The following RUFY2 variants were observed in gnomAD, a reference collection of about 807,000 sequenced individuals.
RUFY2 encodes the protein RUN and FYVE domain-containing protein 2.
Under a neutral mutation model 94.4 loss-of-function variants are expected in RUFY2, and 49 were observed. That is an observed-to-expected ratio of 0.52 (90% CI 0.41 to 0.66). The LOEUF is 0.66. Among genes scored for constraint, RUFY2 ranks in the 30% least tolerant of loss-of-function variants. The pLI, the probability that RUFY2 is intolerant of heterozygous loss-of-function variation, is 0.00. For missense variants in RUFY2, 541 were observed against 692.8 expected, an observed-to-expected ratio of 0.78 and a Z score of 2.46; for synonymous variants, 255 against 235.7, an observed-to-expected ratio of 1.08 and a Z score of -0.75.
intron 16 of RUFY2, among the ~76,000 whole-genome samples, chr10:68,352,660 G>C (rs1169082239): frequency 6.6e-6 from 1 of 152,176 alleles, no homozygotes; most frequent in South Asian, 2.1e-4. Flanking sequence ...GCTGGGCACG[G>C]TGGCTCACAC....
Position 68,404,864 on chromosome 10 carries a change from A to G in RUFY2, c.5-20T>C, listed in dbSNP as rs2051145150. 1 of 1,514,810 alleles carries G rather than the reference A, an allele frequency of 6.6e-7. No individual in the cohort carries two copies. The allele number at this position is 1,514,810 out of a possible 1,614,324, so 93.8% of individuals were successfully genotyped here. A position where few individuals can be genotyped will look rare whatever the true frequency, so the allele number is the denominator to read the frequency against. ...TTGTAGCTGAAAACACAAGAAAGGA[A>G]TCCAACATCATTTGTAAGACATGAC... On this transcript the variant is annotated intron_variant, in intron 1 of 17. Transcript: ENST00000602465.
rs66465620 is a variant in RUFY2 at position 68,347,278 on chromosome 10, CTTTTTTTT to C, written c.1600-1202_1600-1195del. 2.2e-4 allele frequency among the ~76,000 whole-genome samples: 19 copies of C among 86,554 alleles called. No individual in the cohort carries two copies. The South Asian group carries it at 6.6e-3, about 30-fold the overall frequency. The allele number at this position is 86,554 out of a possible 152,430, so 56.8% of individuals were successfully genotyped here. A position where few individuals can be genotyped will look rare whatever the true frequency, so the allele number is the denominator to read the frequency against. On this transcript the variant is annotated intron_variant, in intron 16 of 17. Transcript: ENST00000602465. Reference sequence around the variant, plus strand: ...AAGCAGTATTTATGACAACTTGACCCTTTTTTTTTTTTTTTTTTTTTTTGAAAAGAGAG... The same window carrying C: ...AAGCAGTATTTATGACAACTTGACCCTTTTTTTTTTTTTTTGAAAAGAGAG...
intron 2 of RUFY2, among the ~76,000 whole-genome samples, chr10:68,402,705 C>T (rs2050940574): frequency 1.4e-5 from 2 of 146,874 alleles, no homozygotes; most frequent in Admixed American, 1.4e-4. Context: ...AGTCTCACTC[C>T]AGAGTGAGAC....
chr10:68,364,003 T>G lies in RUFY2; in HGVS notation c.1436A>C (p.Gln479Pro). ...ATTTACTTTTTTAAGACTAATGATT[T>G]GTTGAGTCTCATTTCTAAGATGAGA... ...ALSHLRNETQQIISLKKEFLN... is the reference protein window; with the variant it reads ...ALSHLRNETQPIISLKKEFLN... The change falls in exon 14 of 18, where the codon CAA (glutamine) becomes CCA (proline). Residue 479 changes from glutamine (Q) to proline (P), a missense_variant. Gln to Pro is a moderately conservative substitution (Grantham distance 76, BLOSUM62 -1). Around this residue, in one of 3 missense-constraint regions of RUFY2, gnomAD observed 403 missense variants for 480.7 expected, o/e 0.84. Coordinates refer to ENST00000602465, the MANE Select transcript of RUFY2 (RefSeq NM_001330103.2). 6.2e-7 allele frequency: 1 copy of G among 1,601,172 alleles called. No individual in the cohort carries two copies. The highest frequency in any genetic ancestry group is 8.5e-7 in the Non-Finnish European group (1 of 1,170,194).
At chr10:68,346,159 C>T in intron 16 of RUFY2, 75 bp from the exon 17 acceptor site, 1 of 1,089,208 alleles carries the variant, frequency 9.2e-7, no homozygotes, top group Non-Finnish European at 1.3e-6. Context: ...CCCCCAAGAA[C>T]ATTATTTATA....
intron 1 of RUFY2, chr10:68,406,727 C>T: frequency 6.3e-7 from 1 of 1,586,286 alleles, no homozygotes; most frequent in Non-Finnish European, 8.6e-7. Context: ...GCCTGGGGGC[C>T]CCCCAGGACC....
chr10:68,357,854 C>T lies in RUFY2; in HGVS notation c.1551-2453G>A, dbSNP rs2047168921. Among the ~76,000 whole-genome samples the T allele has an allele frequency of 3.3e-5, 5 of 152,060 alleles. No homozygotes were observed. In the South Asian group the frequency reaches 1.0e-3, roughly 32 times the overall value. ...TAATTATCTACTGTTGATCTTTCAACTTGTTTCAAATTTTTCGCCACAAAA... is the reference window on the plus strand; with the variant it reads ...TAATTATCTACTGTTGATCTTTCAATTTGTTTCAAATTTTTCGCCACAAAA... On this transcript the variant is annotated intron_variant, in intron 15 of 17. Coordinates refer to ENST00000602465, the MANE Select transcript of RUFY2 (RefSeq NM_001330103.2).
At chr10:68,389,153 A>C (rs975189996) in intron 7 of RUFY2, among the ~76,000 whole-genome samples, 1 of 152,116 alleles carries the variant, frequency 6.6e-6, no homozygotes, top group African/African-American at 2.4e-5. Context: ...CTCCCACCTC[A>C]GCCTCCTAAC....
Position 68,381,330 on chromosome 10 carries a change from C to T in RUFY2, c.1009G>A (p.Glu337Lys). 1 of 1,614,014 alleles carries T rather than the reference C, an allele frequency of 6.2e-7. No individual in the cohort carries two copies. Among genetic ancestry groups the T allele is most frequent in the Non-Finnish European group, 8.5e-7 (1 of 1,179,962 alleles). The change falls in exon 11 of 18, where the codon GAG (glutamate) becomes AAG (lysine). Residue 337 changes from glutamate to lysine, a missense_variant. Transcript: ENST00000602465. ...TCTTGTTTCTCATGGATATCTTTCT[C>T]CAGCAACTTCATGGCAAGTTCAATC... Reference protein sequence around the residue: ...HEIELAMKLLEKDIHEKQDTL... With the variant: ...HEIELAMKLLKKDIHEKQDTL...
chr10:68,350,671 T>C (rs918069329), intron 16 of RUFY2, among the ~76,000 whole-genome samples: 2 of 152,114 alleles, frequency 1.3e-5, no homozygotes, highest in Non-Finnish European at 2.9e-5. Context: ...GGTCATGTTC[T>C]ATTATCATTA....
chr10:68,343,877 A>G lies in RUFY2; in HGVS notation c.*1891T>C, dbSNP rs1395397013. The G allele has an allele frequency of 1.6e-5, 2 of 125,026 alleles. No individual in the cohort carries two copies. Among genetic ancestry groups the G allele is most frequent in the Non-Finnish European group, 3.6e-5 (2 of 55,470 alleles). 7.7% of individuals were successfully genotyped at this position (125,026 alleles called of 1,614,324 possible). A position where few individuals can be genotyped will look rare whatever the true frequency, so the allele number is the denominator to read the frequency against. On this transcript the variant is annotated 3_prime_UTR_variant, in exon 18 of 18. Coordinates refer to ENST00000602465, the MANE Select transcript of RUFY2 (RefSeq NM_001330103.2). Reference sequence around the variant, plus strand: ...ATACATGAGTTTTGAAAAGTGAGAAACTTACTTAAAGGATGACAAAATCAT... The same window carrying G: ...ATACATGAGTTTTGAAAAGTGAGAAGCTTACTTAAAGGATGACAAAATCAT...
chr10:68,366,820 TG>T (rs1187827185), intron 13 of RUFY2, among the ~76,000 whole-genome samples: 2 of 142,020 alleles, frequency 1.4e-5, no homozygotes, highest in African/African-American at 5.1e-5. Flanking sequence ...TAATGTTATA[TG>T]GTATATATTA....
chr10:68,371,336 C>T (rs1402061630), intron 13 of RUFY2, among the ~76,000 whole-genome samples: 3 of 151,698 alleles, frequency 2.0e-5, no homozygotes, highest in Non-Finnish European at 2.9e-5. Context: ...GCAGGAGAAT[C>T]GCTTGAATCC....
intron 4 of RUFY2, among the ~76,000 whole-genome samples, chr10:68,395,998 G>A (rs1037771878): frequency 6.6e-6 from 1 of 152,008 alleles, no homozygotes; most frequent in African/African-American, 2.4e-5. Flanking sequence ...TTTGGCCTTC[G>A]TTTTATTTTA....
chr10:68,357,610 T>C (rs986250614), intron 15 of RUFY2, among the ~76,000 whole-genome samples: 1 of 152,156 alleles, frequency 6.6e-6, no homozygotes, highest in African/African-American at 2.4e-5. Context: ...AAAAACAATA[T>C]TTAATTACCT....
At chr10:68,391,234 A>C (rs61855075) in intron 7 of RUFY2, among the ~76,000 whole-genome samples, 16,500 of 151,950 alleles carry the variant, frequency 0.11, 1,104 homozygotes, top group South Asian at 0.24. Flanking sequence ...TCGTGCCTGT[A>C]CCCTAATTTT....
chr10:68,400,269 T>C (rs1043600834), intron 3 of RUFY2, among the ~76,000 whole-genome samples: 3 of 151,730 alleles, frequency 2.0e-5, no homozygotes, highest in African/African-American at 7.3e-5. Context: ...TGAGCCGAGA[T>C]TGCACCACTG....
chr10:68,351,299 T>C (rs1287486115), intron 16 of RUFY2, among the ~76,000 whole-genome samples: 1 of 151,342 alleles, frequency 6.6e-6, no homozygotes, highest in African/African-American at 2.4e-5. Context: ...GCCCGGCTAA[T>C]TTTTTCTTTT....
At chr10:68,367,683 C>T (rs2047950709) in intron 13 of RUFY2, among the ~76,000 whole-genome samples, 1 of 151,138 alleles carries the variant, frequency 6.6e-6, no homozygotes, top group Admixed American at 6.6e-5. Context: ...CTCTCTCTCC[C>T]TCCCTCCCTG....
Sources: allele counts gnomAD v4.1 joint callset (sites outside exome capture counted in the v4.1 genomes callset), GRCh38; gene constraint gnomAD v4.1.1; regional missense constraint gnomAD v4.1.1; transcripts MANE v1.5; gene names NCBI Gene and HGNC (gene_info 2026-07-23, HGNC 2026-07-21).